VWA8: variants seen among roughly 807,000 people sequenced by gnomAD.
VWA8 encodes the protein von Willebrand factor A domain-containing protein 8.
In VWA8, 221 loss-of-function variants were observed where a neutral mutation model predicts 241.5. That is an observed-to-expected ratio of 0.91 (90% CI 0.82 to 1.02). VWA8 has a LOEUF of 1.02. Ranked by LOEUF, VWA8 falls within the 50% of genes least tolerant of loss-of-function variation. The pLI, the probability that VWA8 is intolerant of heterozygous loss-of-function variation, is 0.00. For synonymous variants in VWA8, 852 were observed against 827.1 expected (o/e 1.03, Z -0.52); for missense variants, 2,322 against 2,328.7 (o/e 1.00, Z 0.06).
At chr13:41,723,127 C>G (rs2045406035) in intron 24 of VWA8, among the ~76,000 whole-genome samples, 2 of 152,182 alleles carry the variant, frequency 1.3e-5, no homozygotes, top group Admixed American at 1.3e-4. Context: ...GAAGAGCAAA[C>G]AGTGCAGCCT....
chr13:41,595,875 T>A (rs2044484898), intron 40 of VWA8, among the ~76,000 whole-genome samples: 1 of 152,166 alleles, frequency 6.6e-6, no homozygotes, highest in Non-Finnish European at 1.5e-5. Flanking sequence ...AGTATGGATA[T>A]GTTCAGCTTT....
intron 21 of VWA8, among the ~76,000 whole-genome samples, chr13:41,757,275 G>A (rs1470543663): frequency 2.0e-5 from 3 of 151,586 alleles, no homozygotes; most frequent in Admixed American, 6.6e-5. Context: ...ACACAGCCTC[G>A]TAGTTTTAAT....
At chr13:41,769,571 T>C (rs2045804124) in intron 20 of VWA8, among the ~76,000 whole-genome samples, 1 of 152,248 alleles carries the variant, frequency 6.6e-6, no homozygotes, top group Non-Finnish European at 1.5e-5. Flanking sequence ...TGGCCTATTA[T>C]AAGCACTTAA....
intron 37 of VWA8, among the ~76,000 whole-genome samples, chr13:41,617,508 C>CT (rs1243299183): frequency 6.6e-6 from 1 of 151,914 alleles, no homozygotes; most frequent in African/African-American, 2.4e-5. Context: ...TTTAATTATA[C>CT]TTTAAGTTTT....
intron 2 of VWA8, among the ~76,000 whole-genome samples, chr13:41,941,274 A>G (rs1877583617): frequency 2.0e-5 from 3 of 152,244 alleles, no homozygotes; most frequent in African/African-American, 4.8e-5. Context: ...AAGATTCCCA[A>G]TATAATTAAG....
intron 1 of VWA8, among the ~76,000 whole-genome samples, chr13:41,958,802 G>A (rs1181715435): frequency 6.6e-6 from 1 of 152,176 alleles, no homozygotes; most frequent in Admixed American, 6.5e-5. Context: ...ATTTAAAGAA[G>A]ATAGTATGTT....
intron 43 of VWA8, among the ~76,000 whole-genome samples, chr13:41,573,864 T>C (rs1260293546): frequency 6.6e-6 from 1 of 151,740 alleles, no homozygotes; most frequent in Admixed American, 6.6e-5. Flanking sequence ...TCAGGTGGTC[T>C]GCCCGCCTCG....
rs1312728850 is a variant in VWA8 at position 41,567,568 on chromosome 13, C to G, written c.*629G>C. 5 of 152,178 alleles carry G rather than the reference C, an allele frequency of 3.3e-5. No homozygotes were observed. The highest frequency in any genetic ancestry group is 1.9e-4 in the East Asian group (1 of 5,194). 9.4% of individuals were successfully genotyped at this position (152,178 alleles called of 1,614,324 possible). ...TTTAAAAGTCACGTGGAAAGGCAAG[C>G]ACTCCAAGGATTTTTTGATTCCTTT... On this transcript the variant is annotated 3_prime_UTR_variant, in exon 45 of 45. Transcript: ENST00000379310.
Position 41,623,314 on chromosome 13 carries a change from C to T in VWA8, c.4612-8230G>A, listed in dbSNP as rs535460220. Among the ~76,000 whole-genome samples, 4 of 152,274 alleles carry T rather than the reference C, an allele frequency of 2.6e-5. No homozygotes were observed. In the East Asian group the frequency reaches 5.8e-4, roughly 22 times the overall value. ...GATTAGAAGGCTGGAAGAGTCTATG[C>T]CCCAATGACATTGTTGAGCTGCTGA... On this transcript the variant is annotated intron_variant, in intron 37 of 44. Transcript: ENST00000379310.
At position 41,690,248 on chromosome 13, in the gene VWA8, G is replaced by A. The variant is rs1156671944; in HGVS notation, c.3894C>T (p.His1298=). 3 of 1,612,562 alleles carry A rather than the reference G, an allele frequency of 1.9e-6. No individual in the cohort carries two copies. The highest frequency in any genetic ancestry group is 2.5e-6 in the Non-Finnish European group (3 of 1,178,966). The change falls in exon 33 of 45, where the codon CAC becomes CAT. Residue 1298 remains histidine, a synonymous_variant. Coordinates refer to ENST00000379310, the MANE Select transcript of VWA8 (RefSeq NM_015058.2). ...NQKYLLTKPA[H]IESEGSGVCQ... is the part of the protein sequence containing the mutation. ...AAACCCCACTACCCTCAGATTCGAT[G>A]TGTGCAGGCTTAGTTAAAAGATATT...
At chr13:41,801,871 T>C (rs1483969081) in intron 17 of VWA8, among the ~76,000 whole-genome samples, 2 of 152,224 alleles carry the variant, frequency 1.3e-5, no homozygotes, top group African/African-American at 4.8e-5. Context: ...GTGACTTGAG[T>C]GACTTAAACA....
rs1392412403 is a variant in VWA8 at position 41,843,682 on chromosome 13, AGATCATCAATCAATGCCTACTATGAAC to A, written c.1426-10178_1426-10152del. ...ATTACAACCGATCCTACAGAAATACAGATCATCAATCAATGCCTACTATGAACACCTCTCTGCACACAACTAGAAAAT... is the reference window on the plus strand; with the variant it reads ...ATTACAACCGATCCTACAGAAATACAACCTCTCTGCACACAACTAGAAAAT... On this transcript the variant is annotated intron_variant, in intron 12 of 44. Coordinates refer to ENST00000379310, the MANE Select transcript of VWA8 (RefSeq NM_015058.2). 1.8e-3 allele frequency among the ~76,000 whole-genome samples: 279 copies of A among 152,304 alleles called. 4 individuals are homozygous for A. Among genetic ancestry groups the A allele is most frequent in the Non-Finnish European group, 1.0e-3 (68 of 68,008 alleles).
intron 5 of VWA8, among the ~76,000 whole-genome samples, chr13:41,889,065 A>G (rs1874690993): frequency 6.6e-6 from 1 of 152,218 alleles, no homozygotes; most frequent in South Asian, 2.1e-4. Flanking sequence ...ATAGTAACAG[A>G]ATTCTACTAT....
chr13:41,694,627 G>A (rs1267707280), intron 29 of VWA8, among the ~76,000 whole-genome samples: 1 of 151,762 alleles, frequency 6.6e-6, no homozygotes, highest in Non-Finnish European at 1.5e-5. Context: ...ACTTTTTGAT[G>A]GAAAAAATAT....
At chr13:41,667,965 T>A (rs1429444858) in intron 37 of VWA8, among the ~76,000 whole-genome samples, 4 of 152,138 alleles carry the variant, frequency 2.6e-5, no homozygotes, top group African/African-American at 9.7e-5. Flanking sequence ...AAAAATACTC[T>A]CTTGTAAGCT....
At chr13:41,896,315 A>G (rs1490477752) in intron 4 of VWA8, among the ~76,000 whole-genome samples, 2 of 152,104 alleles carry the variant, frequency 1.3e-5, no homozygotes, top group African/African-American at 4.8e-5. Context: ...AGTAGAAATT[A>G]GGAATTTGGA....
At chr13:41,939,974 T>G (rs1877520350) in intron 2 of VWA8, among the ~76,000 whole-genome samples, 1 of 152,248 alleles carries the variant, frequency 6.6e-6, no homozygotes, top group Admixed American at 6.5e-5. Context: ...TTTCACACTT[T>G]TAAATTCCAA....
chr13:41,950,918 C>G (rs1416119776), intron 1 of VWA8, among the ~76,000 whole-genome samples: 1 of 151,732 alleles, frequency 6.6e-6, no homozygotes, highest in African/African-American at 2.4e-5. Flanking sequence ...ATCCGCCCAC[C>G]TCGGCCTCCC....
chr13:41,647,135 T>G (rs552076690), intron 37 of VWA8, among the ~76,000 whole-genome samples: 1 of 152,280 alleles, frequency 6.6e-6, no homozygotes, highest in Non-Finnish European at 1.5e-5. Flanking sequence ...AAAGTACATC[T>G]CTGTTTATCA....
Sources: gnomAD v4.1 joint callset for allele counts (sites outside exome capture counted in the v4.1 genomes callset) on GRCh38, gnomAD v4.1.1 for gene constraint, MANE v1.5 for transcripts, NCBI Gene and HGNC (gene_info 2026-07-23, HGNC 2026-07-21) for gene names.